Variants in ROBO2 observed in about 807,000 individuals in gnomAD.
The protein encoded by ROBO2 is roundabout homolog 2.
In ROBO2, 53 loss-of-function variants were observed where a neutral mutation model predicts 160.8. The ratio of observed to expected loss-of-function variants is 0.33; its 90% CI spans 0.26 to 0.41. ROBO2 has a LOEUF of 0.41. Among genes scored for constraint, ROBO2 ranks in the 10% least tolerant of loss-of-function variants. The pLI, the probability that ROBO2 is intolerant of heterozygous loss-of-function variation, is 1.00. For synonymous variants in ROBO2, 664 were observed against 611.7 expected, an observed-to-expected ratio of 1.09 and a Z score of -1.26; for missense variants, 1,577 against 1,722.4, an observed-to-expected ratio of 0.92 and a Z score of 1.49.
chr3:77,296,340 C>A (rs1010333821), intron 2 of ROBO2, among the ~76,000 whole-genome samples: 2 of 151,860 alleles, frequency 1.3e-5, no homozygotes, highest in African/African-American at 4.8e-5. Flanking sequence ...GGCTAGATCA[C>A]CCCAGACATA....
At chr3:76,710,245 C>T (rs1271496700) in intron 2 of ROBO2, among the ~76,000 whole-genome samples, 5 of 151,984 alleles carry the variant, frequency 3.3e-5, no homozygotes, top group East Asian at 1.9e-4. Context: ...CTCAGCCTCC[C>T]GAGTAGCTGG....
At chr3:77,160,425 C>A (rs2078385413) in intron 2 of ROBO2, among the ~76,000 whole-genome samples, 2 of 151,964 alleles carry the variant, frequency 1.3e-5, no homozygotes, top group Non-Finnish European at 2.9e-5. Flanking sequence ...TATGCAATTC[C>A]ATTCACATGA....
intron 2 of ROBO2, among the ~76,000 whole-genome samples, chr3:76,037,278 G>A (rs2067140905): frequency 2.5e-5 from 3 of 121,456 alleles, no homozygotes; most frequent in South Asian, 4.8e-4. Context: ...TTTTTTTTTA[G>A]ACAGAGTATC....
At chr3:77,609,782 T>TTATATA (rs1379653350) in intron 21 of ROBO2, among the ~76,000 whole-genome samples, 1 of 118,942 alleles carries the variant, frequency 8.4e-6, no homozygotes, top group African/African-American at 3.1e-5. Flanking sequence ...TTTGGAAACT[T>TTATATA]TATATATACA....
chr3:77,053,325 A>G (rs185317216), intron 1 of ROBO2, among the ~76,000 whole-genome samples: 6 of 152,208 alleles, frequency 3.9e-5, no homozygotes, highest in African/African-American at 1.4e-4. Context: ...TCTATTCTTC[A>G]TTTTACATTT....
chr3:77,612,398 C>A (rs896824271), intron 21 of ROBO2, among the ~76,000 whole-genome samples: 2 of 152,152 alleles, frequency 1.3e-5, no homozygotes, highest in African/African-American at 4.8e-5. Flanking sequence ...TGGATTAAGA[C>A]GTGAACACCA....
intron 2 of ROBO2, among the ~76,000 whole-genome samples, chr3:77,110,506 T>G (rs2150173429): frequency 6.6e-6 from 1 of 151,888 alleles, no homozygotes; most frequent in South Asian, 2.1e-4. Context: ...GCATAGCCTT[T>G]TCAACCAATG....
chr3:77,404,680 A>T (rs1243564267), intron 2 of ROBO2, among the ~76,000 whole-genome samples: 1 of 152,164 alleles, frequency 6.6e-6, no homozygotes. Flanking sequence ...GGATAGGGGA[A>T]CTTACCTGGA....
At chr3:76,099,309 T>C (rs2069584800) in intron 2 of ROBO2, among the ~76,000 whole-genome samples, 2 of 152,108 alleles carry the variant, frequency 1.3e-5, no homozygotes, top group Non-Finnish European at 2.9e-5. Context: ...AAGGATAATA[T>C]ATTTAGTCCT....
chr3:77,326,170 G>A (rs1291000800), intron 2 of ROBO2, among the ~76,000 whole-genome samples: 16 of 152,224 alleles, frequency 1.1e-4, no homozygotes, highest in African/African-American at 2.9e-4. Context: ...GATTCCAGTC[G>A]TAAATGGAGT....
intron 2 of ROBO2, among the ~76,000 whole-genome samples, chr3:76,190,146 A>G (rs911948401): frequency 3.3e-5 from 5 of 152,002 alleles, no homozygotes; most frequent in African/African-American, 1.2e-4. Flanking sequence ...TTTATCTCAC[A>G]ATATCCTGTC....
intron 2 of ROBO2, among the ~76,000 whole-genome samples, chr3:77,298,869 A>T (rs1389362186): frequency 6.6e-6 from 1 of 152,198 alleles, no homozygotes; most frequent in East Asian, 1.9e-4. Context: ...GGAAGATAAG[A>T]TATACGTGTA....
chr3:76,310,668 C>T (rs1041456998), intron 2 of ROBO2, among the ~76,000 whole-genome samples: 1 of 152,180 alleles, frequency 6.6e-6, no homozygotes, highest in Non-Finnish European at 1.5e-5. Context: ...TTGCCTGAAT[C>T]CTCGTCTATC....
chr3:77,175,843 G>A (rs766605908), intron 2 of ROBO2, among the ~76,000 whole-genome samples: 15 of 152,006 alleles, frequency 9.9e-5, no homozygotes, highest in Non-Finnish European at 2.1e-4. Flanking sequence ...CTTGGTACAT[G>A]TTGACTTTGA....
chr3:76,293,694 A>G (rs780140691), intron 2 of ROBO2, among the ~76,000 whole-genome samples: 2 of 152,214 alleles, frequency 1.3e-5, no homozygotes, highest in African/African-American at 4.8e-5. Flanking sequence ...AGGGCCAGCA[A>G]TAGAATCAAC....
intron 2 of ROBO2, among the ~76,000 whole-genome samples, chr3:76,916,995 C>T (rs2076356503): frequency 6.6e-6 from 1 of 152,238 alleles, no homozygotes; most frequent in South Asian, 2.1e-4. Flanking sequence ...GCAAACAACA[C>T]ATTGACCAAA....
chr3:75,913,076 G>A (rs1291468521), intron 1 of ROBO2, among the ~76,000 whole-genome samples: 2 of 152,184 alleles, frequency 1.3e-5, no homozygotes, highest in Admixed American at 6.5e-5. Context: ...TGGAGGTGCT[G>A]AGGGGAGAAT....
At chr3:76,378,668 C>T (rs559533304) in intron 2 of ROBO2, among the ~76,000 whole-genome samples, 1 of 152,284 alleles carries the variant, frequency 6.6e-6, no homozygotes, top group East Asian at 1.9e-4. Flanking sequence ...TCACAGGGAG[C>T]AAAGCCTTCA....
intron 2 of ROBO2, among the ~76,000 whole-genome samples, chr3:76,982,955 A>T (rs986869864): frequency 6.6e-6 from 1 of 152,194 alleles, no homozygotes; most frequent in East Asian, 1.9e-4. Flanking sequence ...AATTAAAGAA[A>T]ACTTAGCATA....
Sources: gnomAD v4.1 joint callset for allele counts (sites outside exome capture counted in the v4.1 genomes callset) on GRCh38, gnomAD v4.1.1 for gene constraint, MANE v1.5 for transcripts, NCBI Gene and HGNC (gene_info 2026-07-23, HGNC 2026-07-21) for gene names.